The following PKP4 variants were observed in gnomAD, a reference collection of about 807,000 sequenced individuals.
PKP4 encodes plakophilin-4.
Under a neutral mutation model 145.1 loss-of-function variants are expected in PKP4, and 90 were observed. That is an observed-to-expected ratio of 0.62 (90% CI 0.52 to 0.74). The LOEUF (loss-of-function observed/expected upper bound fraction) is 0.74. Among genes scored for constraint, PKP4 ranks in the 30% least tolerant of loss-of-function variants. The probability of loss-of-function intolerance (pLI) is 0.00; values close to 1 mark genes in which losing one functional copy is unlikely to be tolerated. For missense variants in PKP4, 1,340 were observed against 1,482.7 expected, an observed-to-expected ratio of 0.90 and a Z score of 1.58; for synonymous variants, 563 against 577.2, an observed-to-expected ratio of 0.98 and a Z score of 0.35.
chr2:158,620,927 C>G, intron 4 of PKP4, 63 bp from the exon 5 acceptor site: 1 of 1,470,404 alleles, frequency 6.8e-7, no homozygotes, highest in Non-Finnish European at 9.5e-7. Context: ...ACATCTGAAC[C>G]TTTTTTAGCA....
chr2:158,625,867 G>A (rs1574847162), intron 7 of PKP4, among the ~76,000 whole-genome samples: 1 of 151,930 alleles, frequency 6.6e-6, no homozygotes, highest in Non-Finnish European at 1.5e-5. Context: ...AAATGCTTTG[G>A]TAATATAGAC....
intron 1 of PKP4, among the ~76,000 whole-genome samples, chr2:158,519,072 G>T (rs1449374863): frequency 1.3e-5 from 2 of 151,120 alleles, no homozygotes; most frequent in Non-Finnish European, 2.9e-5. Context: ...AGAACTTGGA[G>T]TAAACAGATG....
At chr2:158,505,862 G>C (rs1297413984) in intron 1 of PKP4, among the ~76,000 whole-genome samples, 1 of 152,052 alleles carries the variant, frequency 6.6e-6, no homozygotes, top group Non-Finnish European at 1.5e-5. Flanking sequence ...TGTGGAGGAG[G>C]TGGGGTCTGA....
At chr2:158,484,338 C>T (rs1418080062) in intron 1 of PKP4, among the ~76,000 whole-genome samples, 1 of 152,210 alleles carries the variant, frequency 6.6e-6, no homozygotes, top group Non-Finnish European at 1.5e-5. Flanking sequence ...TGAGCCACCG[C>T]GCCCGGCCTG....
chr2:158,617,428 T>C (rs2051750440), intron 4 of PKP4, among the ~76,000 whole-genome samples: 1 of 152,224 alleles, frequency 6.6e-6, no homozygotes, highest in Admixed American at 6.5e-5. Context: ...CTTGATTTCT[T>C]ATGCTAATTG....
At chr2:158,617,590 G>A (rs1410213221) in intron 4 of PKP4, among the ~76,000 whole-genome samples, 1 of 152,096 alleles carries the variant, frequency 6.6e-6, no homozygotes, top group Non-Finnish European at 1.5e-5. Context: ...TCATCTTAAA[G>A]TAAGATTGTT....
chr2:158,577,670 T>C (rs986784036), intron 3 of PKP4, among the ~76,000 whole-genome samples: 1 of 152,228 alleles, frequency 6.6e-6, no homozygotes, highest in African/African-American at 2.4e-5. Flanking sequence ...TCGTGATTAA[T>C]TGCTAATTAT....
chr2:158,620,743 G>A (rs747263179), intron 4 of PKP4, among the ~76,000 whole-genome samples: 25 of 152,280 alleles, frequency 1.6e-4, no homozygotes, highest in Non-Finnish European at 3.1e-4. Context: ...TTCAGATTTT[G>A]ATTTAATATT....
In PKP4 at chr2:158,603,054, C is replaced by T. The variant is rs1218219219; in HGVS notation, c.246-16C>T. 1.4e-6 allele frequency: 2 copies of T among 1,453,040 alleles called. No homozygotes were observed. Among genetic ancestry groups the T allele is most frequent in the African/African-American group, 2.9e-5 (2 of 69,348 alleles). 90.0% of individuals were successfully genotyped at this position (1,453,040 alleles called of 1,614,324 possible). On this transcript the variant is annotated splice_polypyrimidine_tract_variant and intron_variant, in intron 3 of 21. Transcript: ENST00000389759. ...AAATAAATAAATGTTCCATTTTTTT[C>T]TTTCTTTTTCTTTAGCTCAACTGAG...
intron 2 of PKP4, among the ~76,000 whole-genome samples, chr2:158,561,793 C>CTTT (rs758042959): frequency 6.9e-6 from 1 of 145,272 alleles, no homozygotes; most frequent in Non-Finnish European, 1.5e-5. Flanking sequence ...TCAAGTCAGT[C>CTTT]TTTTTTTTTT....
intron 1 of PKP4, among the ~76,000 whole-genome samples, chr2:158,501,609 A>G (rs1240303380): frequency 1.4e-5 from 2 of 141,888 alleles, no homozygotes; most frequent in African/African-American, 5.0e-5. Context: ...GTGCCAGTGA[A>G]CTGGCTGTGC....
intron 2 of PKP4, among the ~76,000 whole-genome samples, chr2:158,564,436 A>G (rs1236152785): frequency 6.6e-6 from 1 of 152,198 alleles, no homozygotes; most frequent in Non-Finnish European, 1.5e-5. Context: ...TGGACATTCA[A>G]ATTGTTTCAA....
At chr2:158,623,075 T>C (rs2052407678) in intron 6 of PKP4, among the ~76,000 whole-genome samples, 1 of 152,238 alleles carries the variant, frequency 6.6e-6, no homozygotes. Context: ...TCTAGTTGTC[T>C]GGACCAACTT....
intron 2 of PKP4, among the ~76,000 whole-genome samples, chr2:158,547,154 TG>T (rs775738606): frequency 5.3e-5 from 8 of 152,312 alleles, no homozygotes; most frequent in Middle Eastern, 3.4e-3. Flanking sequence ...ATTTACCCTA[TG>T]GCCCAGCAGT....
At chr2:158,594,059 C>T (rs868578148) in intron 3 of PKP4, among the ~76,000 whole-genome samples, 39 of 152,306 alleles carry the variant, frequency 2.6e-4, no homozygotes, top group Middle Eastern at 6.8e-3. Flanking sequence ...ATGAGTCTGA[C>T]TCTAGGCCCT....
At chr2:158,677,105 TA>T (rs780667305) in intron 20 of PKP4, 2 of 503,146 alleles carry the variant, frequency 4.0e-6, no homozygotes, top group East Asian at 8.0e-5. Flanking sequence ...TGGGCACAAA[TA>T]AAAAGAGGGC....
At chr2:158,653,479 A>G (rs1310443383) in intron 11 of PKP4, among the ~76,000 whole-genome samples, 1 of 152,204 alleles carries the variant, frequency 6.6e-6, no homozygotes, top group African/African-American at 2.4e-5. Flanking sequence ...TTCATTTCTC[A>G]TGGCAGTATT....
At chr2:158,668,200 A>G (rs1469986613) in intron 16 of PKP4, among the ~76,000 whole-genome samples, 1 of 139,428 alleles carries the variant, frequency 7.2e-6, no homozygotes, top group African/African-American at 2.7e-5. Context: ...TGGCTGGAGC[A>G]CTCTTGAACT....
chr2:158,616,349 G>A (rs1574798906), intron 4 of PKP4, among the ~76,000 whole-genome samples: 2 of 152,148 alleles, frequency 1.3e-5, no homozygotes, highest in South Asian at 2.1e-4. Context: ...CTTTTTTGCC[G>A]TAGGAGGCAC....
Sources: gnomAD v4.1 joint callset for allele counts (sites outside exome capture counted in the v4.1 genomes callset) on GRCh38, gnomAD v4.1.1 for gene constraint, MANE v1.5 for transcripts, NCBI Gene and HGNC (gene_info 2026-07-23, HGNC 2026-07-21) for gene names.